The following DTNB variants were observed in gnomAD, a reference collection of about 807,000 sequenced individuals.
The protein encoded by DTNB is DTN-B.
In DTNB, 63 loss-of-function variants were observed where a neutral mutation model predicts 90.7. The ratio of observed to expected loss-of-function variants is 0.69; its 90% CI spans 0.57 to 0.86. The LOEUF (loss-of-function observed/expected upper bound fraction) is 0.86, where lower values mean the gene tolerates loss of function less well. Among genes scored for constraint, DTNB ranks in the 40% least tolerant of loss-of-function variants. The pLI, the probability that DTNB is intolerant of heterozygous loss-of-function variation, is 0.00. For missense variants in DTNB, 744 were observed against 807.1 expected (o/e 0.92, Z 0.95); for synonymous variants, 277 against 286.7 (o/e 0.97, Z 0.34).
At chr2:25,600,818 C>CTA (rs1437633481) in intron 5 of DTNB, among the ~76,000 whole-genome samples, 1 of 151,936 alleles carries the variant, frequency 6.6e-6, no homozygotes, top group Non-Finnish European at 1.5e-5. Context: ...ACCACTCCCA[C>CTA]AAAAAAGTAT....
intron 8 of DTNB, chr2:25,558,441 A>G: frequency 1.0e-6 from 1 of 983,450 alleles, no homozygotes; most frequent in Non-Finnish European, 1.2e-6. Context: ...AAAGTTGACA[A>G]AAGGGCTGTG....
intron 4 of DTNB, among the ~76,000 whole-genome samples, chr2:25,610,909 G>A (rs776290137): frequency 2.0e-5 from 3 of 151,998 alleles, no homozygotes; most frequent in South Asian, 2.1e-4. Flanking sequence ...AGGGTTTCAC[G>A]ATGTTGGCCA....
chr2:25,633,211 C>T (rs1362185139), intron 3 of DTNB, among the ~76,000 whole-genome samples: 1 of 152,106 alleles, frequency 6.6e-6, no homozygotes, highest in South Asian at 2.1e-4. Context: ...CCTCTGATGC[C>T]GAGCCGAAGC....
At chr2:25,613,957 CTAAA>C (rs1440773226) in intron 4 of DTNB, among the ~76,000 whole-genome samples, 1 of 152,022 alleles carries the variant, frequency 6.6e-6, no homozygotes, top group Admixed American at 6.6e-5. Flanking sequence ...GACTCCGTCT[CTAAA>C]TAAATAAATA....
chr2:25,400,136 A>G (rs939057272), intron 16 of DTNB, among the ~76,000 whole-genome samples: 9 of 152,214 alleles, frequency 5.9e-5, no homozygotes, highest in Non-Finnish European at 1.3e-4. Context: ...AAAGAGTCTG[A>G]AATAAGGTCC....
intron 4 of DTNB, among the ~76,000 whole-genome samples, chr2:25,614,748 G>T (rs2069727042): frequency 6.6e-6 from 1 of 152,188 alleles, no homozygotes; most frequent in Non-Finnish European, 1.5e-5. Flanking sequence ...AATCCTCTAA[G>T]GAGATGGAGG....
At chr2:25,570,083 C>A in intron 8 of DTNB, among the ~76,000 whole-genome samples, 1 of 137,256 alleles carries the variant, frequency 7.3e-6, no homozygotes, top group Non-Finnish European at 1.5e-5. Flanking sequence ...GGCAACAAAG[C>A]AAGACTGCAT....
intron 10 of DTNB, among the ~76,000 whole-genome samples, chr2:25,473,777 C>A (rs1323324445): frequency 6.6e-6 from 1 of 152,178 alleles, no homozygotes; most frequent in South Asian, 2.1e-4. Flanking sequence ...AGGGAGAAAT[C>A]TGAAAACGAT....
chr2:25,382,519 CTTTTTTTTTTTTTTTT>C (rs3041261), intron 19 of DTNB, among the ~76,000 whole-genome samples: 1 of 72,008 alleles, frequency 1.4e-5, no homozygotes, highest in Non-Finnish European at 2.5e-5. Flanking sequence ...AGTTCTCTGC[CTTTTTTTTTTTTTTTT>C]TTTTTTTTTT....
intron 8 of DTNB, among the ~76,000 whole-genome samples, chr2:25,563,003 C>CA (rs1209988925): frequency 6.6e-6 from 1 of 152,132 alleles, no homozygotes; most frequent in Non-Finnish European, 1.5e-5. Context: ...CTCCTGGAGT[C>CA]AAGCAATCCA....
At chr2:25,595,795 G>T (rs925017796) in intron 6 of DTNB, among the ~76,000 whole-genome samples, 1 of 151,996 alleles carries the variant, frequency 6.6e-6, no homozygotes, top group African/African-American at 2.4e-5. Context: ...ATTTGAAAAA[G>T]TAATATATGT....
intron 6 of DTNB, among the ~76,000 whole-genome samples, chr2:25,582,616 TG>T (rs1359502600): frequency 2.6e-5 from 4 of 152,050 alleles, no homozygotes; most frequent in African/African-American, 9.7e-5. Context: ...ACTTCTAATA[TG>T]GAACTACTGG....
Position 25,377,429 on chromosome 2 carries a change from G to C in DTNB, c.*154C>G, listed in dbSNP as rs1359141192. 6.5e-6 allele frequency: 1 copy of C among 153,012 alleles called. No homozygotes were observed. Among genetic ancestry groups the C allele is most frequent in the African/African-American group, 2.4e-5 (1 of 41,462 alleles). 9.5% of individuals were successfully genotyped at this position (153,012 alleles called of 1,614,324 possible). On this transcript the variant is annotated 3_prime_UTR_variant, in exon 21 of 21. Transcript: ENST00000406818. ...CTGGCTCCCCTCTCCCTGGCGGGTG[G>C]AGTGACGTCTGGCAGCCTGCAAGCC...
chr2:25,408,494 A>ACAC (rs1262731906), intron 16 of DTNB, among the ~76,000 whole-genome samples: 3 of 133,460 alleles, frequency 2.2e-5, no homozygotes, highest in Non-Finnish European at 4.6e-5. Flanking sequence ...AGCCAAGATC[A>ACAC]CACCACTGCA....
chr2:25,414,665 T>C (rs2047442037), intron 16 of DTNB, among the ~76,000 whole-genome samples: 1 of 152,234 alleles, frequency 6.6e-6, no homozygotes. Context: ...ATGTCCCTTA[T>C]AATTAATACA....
chr2:25,526,123 G>A (rs1054467737), intron 9 of DTNB, among the ~76,000 whole-genome samples: 2 of 151,882 alleles, frequency 1.3e-5, no homozygotes, highest in African/African-American at 4.8e-5. Flanking sequence ...GAAATTCTAT[G>A]CTAAAACTAC....
intron 2 of DTNB, among the ~76,000 whole-genome samples, chr2:25,639,576 T>C (rs1166626825): frequency 6.7e-6 from 1 of 149,140 alleles, no homozygotes; most frequent in African/African-American, 2.5e-5. Context: ...AAGGTCCCCT[T>C]CCAGTCTGTG....
At chr2:25,610,901 G>A (rs1157600329) in intron 4 of DTNB, among the ~76,000 whole-genome samples, 2 of 152,046 alleles carry the variant, frequency 1.3e-5, no homozygotes, top group Non-Finnish European at 2.9e-5. Context: ...GTAGATACAG[G>A]GTTTCACGAT....
chr2:25,418,236 CT>C (rs1398227737), intron 16 of DTNB, among the ~76,000 whole-genome samples: 5 of 152,310 alleles, frequency 3.3e-5, no homozygotes, highest in Middle Eastern at 3.4e-3. Context: ...TTCTTTCCCC[CT>C]GACAGTCTGT....
Sources: gnomAD v4.1 joint callset for allele counts (sites outside exome capture counted in the v4.1 genomes callset) on GRCh38, gnomAD v4.1.1 for gene constraint, MANE v1.5 for transcripts, NCBI Gene and HGNC (gene_info 2026-07-23, HGNC 2026-07-21) for gene names.